IGSF10: variants seen among roughly 807,000 people sequenced by gnomAD.
IGSF10 encodes calvaria mechanical force protein 608.
Under a neutral mutation model 128.2 loss-of-function variants are expected in IGSF10, and 126 were observed. That is an observed-to-expected ratio of 0.98 (90% CI 0.85 to 1.14). IGSF10 has a LOEUF of 1.14. Among genes scored for constraint, IGSF10 ranks in the 50% most tolerant of loss-of-function variants. The pLI is 0.00. For missense variants in IGSF10, 3,295 were observed against 3,149.8 expected (o/e 1.05, Z -1.10); for synonymous variants, 1,185 against 1,146.2 (o/e 1.03, Z -0.68).
At position 151,437,179 on chromosome 3, in the gene IGSF10, T is replaced by C. The variant is rs764574677; in HGVS notation, c.7382A>G (p.Lys2461Arg). The change falls in exon 8 of 8, where the codon AAG becomes AGG. Residue 2461 changes from lysine to arginine, a missense_variant. Transcript: ENST00000282466. ...SLHCVSDGIP[K>R]PNIKWTMPSG... Reference sequence around the variant, plus strand: ...TGGCATAGTCCATTTGATATTTGGCTTAGGGATTCCATCAGACACACAATG... The same window carrying C: ...TGGCATAGTCCATTTGATATTTGGCCTAGGGATTCCATCAGACACACAATG... 6 of 1,614,102 alleles carry C rather than the reference T, an allele frequency of 3.7e-6. No homozygotes were observed. Among genetic ancestry groups the C allele is most frequent in the Non-Finnish European group, 5.1e-6 (6 of 1,180,042 alleles).
upstream of IGSF10, chr3:151,461,386 A>C (rs1722055561): frequency 1.0e-6 from 1 of 985,184 alleles, no homozygotes; most frequent in African/African-American, 1.7e-5. Context: ...TGGCTCCCAA[A>C]GTTCTATTTG....
chr3:151,543,008 C>T, the IGSF10 span, among the ~76,000 whole-genome samples: 13 of 152,034 alleles, frequency 8.6e-5, no homozygotes, highest in African/African-American at 3.1e-4. Flanking sequence ...TATTTTTGTT[C>T]AAAAATGATT....
chr3:151,559,649 A>G, the IGSF10 span, among the ~76,000 whole-genome samples: 1 of 152,118 alleles, frequency 6.6e-6, no homozygotes, highest in African/African-American at 2.4e-5. Flanking sequence ...GAATTTTCTG[A>G]TGTATAATGT....
the IGSF10 span, among the ~76,000 whole-genome samples, chr3:151,529,862 G>C: frequency 2.0e-3 from 299 of 152,128 alleles, 1 homozygote; most frequent in African/African-American, 7.1e-3. Context: ...GGATGAGTTT[G>C]ACGAATTGAC....
chr3:151,609,613 G>A, the IGSF10 span, among the ~76,000 whole-genome samples: 1 of 152,028 alleles, frequency 6.6e-6, no homozygotes, highest in East Asian at 1.9e-4. Flanking sequence ...ACAGTGTACG[G>A]ATAAAGAAAA....
chr3:151,494,799 G>C, the IGSF10 span, among the ~76,000 whole-genome samples: 1 of 152,082 alleles, frequency 6.6e-6, no homozygotes, highest in African/African-American at 2.4e-5. Context: ...TCATGTGCCA[G>C]GATTTGCTGG....
chr3:151,603,536 T>A, the IGSF10 span, among the ~76,000 whole-genome samples: 1 of 152,238 alleles, frequency 6.6e-6, no homozygotes, highest in Admixed American at 6.5e-5. Flanking sequence ...ATTATCTGTA[T>A]AATTTTAATA....
chr3:151,501,262 A>T, the IGSF10 span, among the ~76,000 whole-genome samples: 1 of 152,052 alleles, frequency 6.6e-6, no homozygotes, highest in East Asian at 1.9e-4. Flanking sequence ...CACTTTTGTT[A>T]TGCAGACTAG....
chr3:151,494,885 T>C, the IGSF10 span, among the ~76,000 whole-genome samples: 1 of 152,090 alleles, frequency 6.6e-6, no homozygotes, highest in Non-Finnish European at 1.5e-5. Context: ...AAACACATTT[T>C]AGGAAAAAAT....
the IGSF10 span, among the ~76,000 whole-genome samples, chr3:151,527,379 T>C: frequency 2.4e-3 from 367 of 152,288 alleles, 4 homozygotes; most frequent in Non-Finnish European, 1.5e-3. Context: ...AACAATAAAA[T>C]GTCAGAATTC....
chr3:151,572,160 G>C, the IGSF10 span, among the ~76,000 whole-genome samples: 6 of 152,164 alleles, frequency 3.9e-5, no homozygotes, highest in Non-Finnish European at 8.8e-5. Context: ...ATGATCATCA[G>C]GGATATTGGT....
upstream of IGSF10, among the ~76,000 whole-genome samples, chr3:151,463,523 G>GGTT (rs1553837068): frequency 1.6e-4 from 5 of 31,270 alleles, no homozygotes; most frequent in South Asian, 1.3e-3. Flanking sequence ...ACATTTTCTG[G>GGTT]TTTTTTTTTT....
chr3:151,594,013 T>C, the IGSF10 span, among the ~76,000 whole-genome samples: 1 of 152,116 alleles, frequency 6.6e-6, no homozygotes, highest in Non-Finnish European at 1.5e-5. Flanking sequence ...AAGAGACTGT[T>C]TGACCACAGG....
chr3:151,447,454 A>G lies in IGSF10; in HGVS notation c.2527T>C (p.Ser843Pro). ...AGTATTTGTGAATTCACAACAGGAG[A>G]GAATTCTGTGCCATAATTTATGTTT... ...MTNINYGTEF[S>P]PVVNSQILPP... The change falls in exon 6 of 8, where the codon TCT (serine) becomes CCT (proline). Residue 843 changes from serine to proline, a missense_variant. Physicochemically the swap from Ser to Pro is moderately conservative, Grantham distance 74. Coordinates refer to ENST00000282466, the MANE Select transcript of IGSF10 (RefSeq NM_178822.5). The G allele has an allele frequency of 1.2e-6, 2 of 1,614,042 alleles. No individual in the cohort carries two copies. The highest frequency in any genetic ancestry group is 2.2e-5 in the South Asian group (2 of 91,082).
chr3:151,496,929 G>C, the IGSF10 span, among the ~76,000 whole-genome samples: 1,495 of 152,266 alleles, frequency 9.8e-3, 19 homozygotes, highest in Middle Eastern at 0.058. Context: ...CTGATGGCCA[G>C]TGATGATGAG....
At chr3:151,486,219 A>G in the IGSF10 span, among the ~76,000 whole-genome samples, 1 of 152,290 alleles carries the variant, frequency 6.6e-6, no homozygotes, top group South Asian at 2.1e-4. Context: ...AAAAGAGACA[A>G]AGAAGGGCAT....
chr3:151,468,052 ATTGT>A, the IGSF10 span, among the ~76,000 whole-genome samples: 54 of 152,366 alleles, frequency 3.5e-4, no homozygotes, highest in East Asian at 3.1e-3. Flanking sequence ...GCTTAGAGAC[ATTGT>A]TTGTGAAACA....
chr3:151,613,476 G>T, the IGSF10 span, among the ~76,000 whole-genome samples: 1 of 151,960 alleles, frequency 6.6e-6, no homozygotes, highest in East Asian at 1.9e-4. Flanking sequence ...CCAAAACAGA[G>T]ATATAGACCA....
the IGSF10 span, among the ~76,000 whole-genome samples, chr3:151,518,998 T>C: frequency 1.3e-5 from 2 of 151,924 alleles, no homozygotes; most frequent in Admixed American, 1.3e-4. Context: ...TTCTGTGCAT[T>C]GGGACTTTAC....
Sources: allele counts gnomAD v4.1 joint callset (sites outside exome capture counted in the v4.1 genomes callset), GRCh38; gene constraint gnomAD v4.1.1; transcripts MANE v1.5; gene names NCBI Gene and HGNC (gene_info 2026-07-23, HGNC 2026-07-21).